NRG3: variants seen among roughly 807,000 people sequenced by gnomAD.
The protein encoded by NRG3 is pro-neuregulin-3, membrane-bound isoform.
In NRG3, 31 loss-of-function variants were observed where a neutral mutation model predicts 66.9. That is an observed-to-expected ratio of 0.46 (90% CI 0.35 to 0.63). NRG3 has a LOEUF of 0.63. NRG3 is among the 20% of genes least tolerant of loss of function. NRG3 has a pLI of 0.00. For synonymous variants in NRG3, 393 were observed against 359.4 expected (o/e 1.09, Z -1.06); for missense variants, 910 against 878.9 (o/e 1.04, Z -0.45).
At chr10:82,727,739 C>T (rs2057682197) in intron 2 of NRG3, among the ~76,000 whole-genome samples, 1 of 152,072 alleles carries the variant, frequency 6.6e-6, no homozygotes, top group African/African-American at 2.4e-5. Flanking sequence ...CCTCCAGACC[C>T]CAGAATGGTA....
intron 2 of NRG3, among the ~76,000 whole-genome samples, chr10:82,456,363 C>T (rs1193928334): frequency 6.6e-6 from 1 of 151,952 alleles, no homozygotes; most frequent in Non-Finnish European, 1.5e-5. Flanking sequence ...GAAAGGGTCT[C>T]CCTGTGTTGC....
chr10:82,466,550 G>T (rs1840697372), intron 2 of NRG3, among the ~76,000 whole-genome samples: 1 of 152,174 alleles, frequency 6.6e-6, no homozygotes, highest in African/African-American at 2.4e-5. Context: ...AGGTAAACAG[G>T]TAGGCAGTTC....
chr10:82,266,116 G>T (rs1176306726), intron 1 of NRG3, among the ~76,000 whole-genome samples: 1 of 152,056 alleles, frequency 6.6e-6, no homozygotes, highest in Non-Finnish European at 1.5e-5. Context: ...TCCCACTAAG[G>T]GATCTTCAAA....
intron 2 of NRG3, among the ~76,000 whole-genome samples, chr10:82,638,855 C>T (rs2050376343): frequency 6.6e-6 from 1 of 152,100 alleles, no homozygotes; most frequent in Non-Finnish European, 1.5e-5. Flanking sequence ...CCATGTTGGC[C>T]AGGATGGTCT....
At chr10:82,306,036 T>C (rs900043793) in intron 1 of NRG3, among the ~76,000 whole-genome samples, 1 of 152,204 alleles carries the variant, frequency 6.6e-6, no homozygotes, top group Non-Finnish European at 1.5e-5. Flanking sequence ...TTTATTGATT[T>C]TTTAAAAATA....
intron 2 of NRG3, among the ~76,000 whole-genome samples, chr10:82,387,271 A>G (rs966655991): frequency 8.5e-5 from 10 of 118,318 alleles, no homozygotes; most frequent in Non-Finnish European, 1.1e-4. Flanking sequence ...ATCATAAAAC[A>G]CTCAAAATAT....
chr10:82,539,921 C>T lies in NRG3; in HGVS notation c.953+181053C>T, dbSNP rs139857799. On this transcript the variant is annotated intron_variant, in intron 2 of 8. Coordinates refer to ENST00000372141, the MANE Select transcript of NRG3 (RefSeq NM_001010848.4). Reference sequence around the variant, plus strand: ...TGCTGGGATTACAGGCGTGAGCCACCGCACCCAGCCGTTTACTGCCGTTTT... The same window carrying T: ...TGCTGGGATTACAGGCGTGAGCCACTGCACCCAGCCGTTTACTGCCGTTTT... Among the ~76,000 whole-genome samples, 1,416 of 152,242 alleles carry T rather than the reference C, an allele frequency of 9.3e-3. 41 individuals are homozygous for T. The East Asian group carries it at 0.097, about 10-fold the overall frequency.
intron 2 of NRG3, among the ~76,000 whole-genome samples, chr10:82,453,407 G>A (rs1170698222): frequency 6.6e-6 from 1 of 152,090 alleles, no homozygotes; most frequent in African/African-American, 2.4e-5. Flanking sequence ...AGATAAGAAG[G>A]AAGAGTCTGG....
chr10:82,908,426 T>A (rs1001588264), intron 4 of NRG3, among the ~76,000 whole-genome samples: 3 of 152,200 alleles, frequency 2.0e-5, no homozygotes, highest in Non-Finnish European at 2.9e-5. Context: ...GAGCAGAAGA[T>A]ACACTGAGAC....
intron 3 of NRG3, among the ~76,000 whole-genome samples, chr10:82,780,558 G>T (rs2060083811): frequency 9.6e-6 from 1 of 104,346 alleles, no homozygotes; most frequent in Non-Finnish European, 1.9e-5. Context: ...ATTATATCTT[G>T]TACATTTTGG....
Position 82,201,057 on chromosome 10 carries a change from TGTG to T in NRG3, c.824-157678_824-157676del, listed in dbSNP as rs549305641. Among the ~76,000 whole-genome samples the T allele has an allele frequency of 1.4e-3, 213 of 151,540 alleles. 2 individuals carry two copies. The highest frequency in any genetic ancestry group is 4.8e-3 in the African/African-American group (198 of 41,334). On this transcript the variant is annotated intron_variant, in intron 1 of 8. Transcript: ENST00000372141. Reference sequence around the variant, plus strand: ...CTAAAAATACAAAAAATTAGCCAGGTGTGGTGACAGGCGCCTGTTCTTCCAGCT... The same window carrying T: ...CTAAAAATACAAAAAATTAGCCAGGTGTGACAGGCGCCTGTTCTTCCAGCT...
At chr10:82,848,736 A>G (rs2135812664) in intron 3 of NRG3, among the ~76,000 whole-genome samples, 1 of 152,152 alleles carries the variant, frequency 6.6e-6, no homozygotes, top group Middle Eastern at 3.4e-3. Context: ...GGTGGGAGGG[A>G]CCCAGTGGGA....
At chr10:82,823,601 T>G (rs778229276) in intron 3 of NRG3, among the ~76,000 whole-genome samples, 2 of 152,078 alleles carry the variant, frequency 1.3e-5, no homozygotes, top group Non-Finnish European at 2.9e-5. Context: ...CTGGGAGGCT[T>G]GGCTGCTGAC....
chr10:81,889,594 C>G (rs777040595), intron 1 of NRG3: 1 of 152,178 alleles, frequency 6.6e-6, no homozygotes, highest in African/African-American at 2.4e-5. Context: ...GGGGCTATAG[C>G]GCTGTGTAAG....
intron 2 of NRG3, among the ~76,000 whole-genome samples, chr10:82,419,471 AATCTAAAT>A (rs1208400674): frequency 6.6e-6 from 1 of 152,162 alleles, no homozygotes; most frequent in Non-Finnish European, 1.5e-5. Flanking sequence ...TACTTAGAAA[AATCTAAAT>A]GTTTCTGTAC....
intron 2 of NRG3, among the ~76,000 whole-genome samples, chr10:82,701,236 G>T (rs369182618): frequency 6.6e-6 from 1 of 151,936 alleles, no homozygotes; most frequent in Non-Finnish European, 1.5e-5. Flanking sequence ...TTCCCTTGTC[G>T]GTTTCTTGTA....
intron 1 of NRG3, among the ~76,000 whole-genome samples, chr10:81,880,397 C>CA (rs996232852): frequency 1.3e-4 from 19 of 149,914 alleles, no homozygotes; most frequent in South Asian, 4.2e-4. Context: ...AAAACCTGAC[C>CA]AAAAAAAACA....
chr10:81,932,992 C>T (rs1847520369), intron 1 of NRG3, among the ~76,000 whole-genome samples: 1 of 151,532 alleles, frequency 6.6e-6, no homozygotes, highest in African/African-American at 2.4e-5. Flanking sequence ...ACCTGTAATC[C>T]CAGCTACTTG....
At chr10:82,110,105 T>C (rs758737803) in intron 1 of NRG3, among the ~76,000 whole-genome samples, 1 of 151,806 alleles carries the variant, frequency 6.6e-6, no homozygotes, top group Non-Finnish European at 1.5e-5. Flanking sequence ...AGAGACAAAA[T>C]TGGGAAAGGG....
Sources: gnomAD v4.1 joint callset for allele counts (sites outside exome capture counted in the v4.1 genomes callset) on GRCh38, gnomAD v4.1.1 for gene constraint, MANE v1.5 for transcripts, NCBI Gene and HGNC (gene_info 2026-07-23, HGNC 2026-07-21) for gene names.